CNST: variants seen among roughly 807,000 people sequenced by gnomAD.
CNST encodes the protein consortin, connexin sorting protein, also known as consortin.
Under a neutral mutation model 72.4 loss-of-function variants are expected in CNST, and 39 were observed. The ratio of observed to expected loss-of-function variants is 0.54; its 90% CI spans 0.42 to 0.70. CNST has a LOEUF of 0.70. Among genes scored for constraint, CNST ranks in the 30% least tolerant of loss-of-function variants. CNST has a pLI of 0.00. For missense variants in CNST, 871 were observed against 868.5 expected (o/e 1.00, Z -0.04); for synonymous variants, 332 against 320.1 (o/e 1.04, Z -0.40).
rs964646823 is a variant in CNST at position 246,566,527 on chromosome 1, G to T, written c.-188G>T. 4 of 432,262 alleles carry T rather than the reference G, an allele frequency of 9.3e-6. No homozygotes were observed. The highest frequency in any genetic ancestry group is 1.6e-5 in the Non-Finnish European group (4 of 242,846). The allele number at this position is 432,262 out of a possible 1,614,324, so 26.8% of individuals were successfully genotyped here. A position where few individuals can be genotyped will look rare whatever the true frequency, so the allele number is the denominator to read the frequency against. Reference sequence around the variant, plus strand: ...GCAGAGGGAGGCGGGGCGGAAAGGCGAGAGGTGTCTCCTCCACCGGAGCCA... The same window carrying T: ...GCAGAGGGAGGCGGGGCGGAAAGGCTAGAGGTGTCTCCTCCACCGGAGCCA... On this transcript the variant is annotated 5_prime_UTR_variant, in exon 1 of 11. Transcript: ENST00000366513.
chr1:246,580,902 G>A (rs376793284), intron 1 of CNST, among the ~76,000 whole-genome samples: 14 of 151,764 alleles, frequency 9.2e-5, no homozygotes, highest in African/African-American at 2.9e-4. Flanking sequence ...CACCACACCC[G>A]GCTAATTTTT....
Position 246,641,933 on chromosome 1 carries a change from CT to C in CNST, c.841-3del. On this transcript the variant is annotated splice_polypyrimidine_tract_variant and splice_region_variant and intron_variant, in intron 7 of 10. Coordinates refer to ENST00000366513, the MANE Select transcript of CNST (RefSeq NM_152609.3). ...AAAAGTTGGGTTTTCTTGTTTTAAA[CT>C]TTTTAGATAGCAGCTGTGGAGAAGT... is the stretch of plus-strand genomic sequence containing the variant. The C allele has an allele frequency of 2.5e-6, 4 of 1,599,324 alleles. No homozygotes were observed. The highest frequency in any genetic ancestry group is 2.2e-5 in the East Asian group (1 of 44,696).
intron 3 of CNST, among the ~76,000 whole-genome samples, chr1:246,626,451 C>CTTTTTTTTTTTT (rs74163468): frequency 2.5e-5 from 2 of 79,920 alleles, no homozygotes; most frequent in Non-Finnish European, 4.5e-5. Context: ...TAGGTTTGTC[C>CTTTTTTTTTTTT]TTTTTTTTTT....
chr1:246,573,124 A>G (rs1660169717), intron 1 of CNST, among the ~76,000 whole-genome samples: 2 of 152,214 alleles, frequency 1.3e-5, no homozygotes, highest in South Asian at 4.1e-4. Flanking sequence ...AAATTCAGCC[A>G]TCAGGCTTTA....
chr1:246,581,774 G>T (rs534167752), intron 1 of CNST, among the ~76,000 whole-genome samples: 81 of 152,284 alleles, frequency 5.3e-4, no homozygotes, highest in African/African-American at 1.9e-3. Context: ...CTTAGGAGAT[G>T]CCCTTTACCA....
chr1:246,566,872 C>G lies in CNST; in HGVS notation c.-52+209C>G, dbSNP rs145240290. ...TCCTTTCTCAGCTACTGTGGGTCTC[C>G]TATTGCTGCGCGTCGCGCCAATTTC... On this transcript the variant is annotated intron_variant, in intron 1 of 10. Coordinates refer to ENST00000366513, the MANE Select transcript of CNST (RefSeq NM_152609.3). The G allele has an allele frequency of 7.1e-4, 276 of 387,696 alleles. 2 individuals are homozygous for G. Among genetic ancestry groups the G allele is most frequent in the African/African-American group, 5.2e-3 (252 of 48,490 alleles). 24.0% of individuals were successfully genotyped at this position (387,696 alleles called of 1,614,324 possible). A position where few individuals can be genotyped will look rare whatever the true frequency, so the allele number is the denominator to read the frequency against.
Position 246,647,183 on chromosome 1 carries a change from C to T in CNST, c.982C>T (p.His328Tyr), listed in dbSNP as rs1666139131. Residue 328 changes from histidine to tyrosine, a missense_variant, in exon 9 of 11, where the codon CAT becomes TAT. By Grantham distance (83) the His-to-Tyr change is moderately conservative (BLOSUM62 2). Transcript: ENST00000366513. ...CACAGAGTCAAGTAAAGAAAGCCAA[C>T]ATACAGTGGAGCCCCTGGGGAGCAG... ...LGTESSKESQ[H>Y]TVEPLGSSPC... The T allele has an allele frequency of 1.2e-6, 2 of 1,613,998 alleles. No individual in the cohort carries two copies. The highest frequency in any genetic ancestry group is 8.5e-7 in the Non-Finnish European group (1 of 1,179,962).
chr1:246,607,317 A>G (rs560663065), intron 2 of CNST: 5 of 152,074 alleles, frequency 3.3e-5, no homozygotes, highest in Admixed American at 1.3e-4. Context: ...TCCCCCGCAT[A>G]CCCAGCAATT....
chr1:246,651,254 GC>G (rs148842998), intron 9 of CNST, among the ~76,000 whole-genome samples: 2,730 of 152,172 alleles, frequency 0.018, 89 homozygotes, highest in African/African-American at 0.063. Flanking sequence ...CAATGAGTCT[GC>G]CCCCTCCACC....
intron 9 of CNST, among the ~76,000 whole-genome samples, chr1:246,650,300 C>T (rs1385120949): frequency 2.0e-5 from 3 of 152,124 alleles, no homozygotes; most frequent in Non-Finnish European, 4.4e-5. Context: ...GGTCTCCTTT[C>T]CTAAGATTAT....
intron 9 of CNST, among the ~76,000 whole-genome samples, chr1:246,652,833 T>C (rs997377837): frequency 4.0e-5 from 6 of 149,958 alleles, no homozygotes; most frequent in Non-Finnish European, 8.9e-5. Context: ...TGAAACCCCG[T>C]CTCTACTAAA....
intron 6 of CNST, among the ~76,000 whole-genome samples, chr1:246,640,339 G>A (rs1254702902): frequency 6.6e-6 from 1 of 152,168 alleles, no homozygotes; most frequent in Non-Finnish European, 1.5e-5. Context: ...TTTAGGAGTA[G>A]TCTGATGCTA....
chr1:246,591,604 A>G lies in CNST; in HGVS notation c.42A>G (p.Glu14=). 6.2e-7 allele frequency: 1 copy of G among 1,614,174 alleles called. No individual in the cohort carries two copies. The highest frequency in any genetic ancestry group is 8.5e-7 in the Non-Finnish European group (1 of 1,180,004). Residue 14 remains glutamate (E), a synonymous_variant, in exon 2 of 11, where the codon GAA becomes GAG. Coordinates refer to ENST00000366513, the MANE Select transcript of CNST (RefSeq NM_152609.3). Reference sequence around the variant, plus strand: ...CTCCTACATATTATCTGCAAATAGAACCACAAGATGGATGTCATCCTGGTG... The same window carrying G: ...CTCCTACATATTATCTGCAAATAGAGCCACAAGATGGATGTCATCCTGGTG... ...SDTPTYYLQI[E]PQDGCHPGDS...
intron 3 of CNST, among the ~76,000 whole-genome samples, chr1:246,627,790 A>T (rs994435637): frequency 6.6e-6 from 1 of 151,840 alleles, no homozygotes; most frequent in Non-Finnish European, 1.5e-5. Context: ...GTGACAGTGG[A>T]AATGGAGAGG....
rs752409478 is a variant in CNST, at chr1:246,591,816, A to G, written c.254A>G (p.Glu85Gly). ...TTGAGCTGCGAGGTGGCTGCAGGTGAGAACTTGCAAAACACCCTTTGTGAA... is the reference window on the plus strand; with the variant it reads ...TTGAGCTGCGAGGTGGCTGCAGGTGGGAACTTGCAAAACACCCTTTGTGAA... ...CTLSCEVAAG[E>G]NLQNTLCEAS... Residue 85 changes from glutamate (E) to glycine (G), a missense_variant, in exon 2 of 11, where the codon GAG (glutamate) becomes GGG (glycine). Coordinates refer to ENST00000366513, the MANE Select transcript of CNST (RefSeq NM_152609.3). 2.5e-6 allele frequency: 4 copies of G among 1,614,096 alleles called. No individual in the cohort carries two copies. In the South Asian group the frequency reaches 4.4e-5, roughly 18 times the overall value.
chr1:246,589,957 G>A (rs1213292026), intron 1 of CNST, among the ~76,000 whole-genome samples: 1 of 152,038 alleles, frequency 6.6e-6, no homozygotes, highest in Non-Finnish European at 1.5e-5. Context: ...CTTTTTGATG[G>A]GGTTGTTTGT....
rs754890547 is a variant in CNST at position 246,591,582 on chromosome 1, C to T, written c.20C>T (p.Pro7Leu). 8.7e-6 allele frequency: 14 copies of T among 1,613,810 alleles called. No homozygotes were observed. In the African/African-American group the frequency reaches 1.2e-4, roughly 14 times the overall value. Reference sequence around the variant, plus strand: ...GCTCTAATGGATGACAGCGATACTCCTACATATTATCTGCAAATAGAACCA... The same window carrying T: ...GCTCTAATGGATGACAGCGATACTCTTACATATTATCTGCAAATAGAACCA... MDDSDTPTYYLQIEPQD... is the reference protein window; with the variant it reads MDDSDTLTYYLQIEPQD... Residue 7 changes from proline (P) to leucine (L), a missense_variant, in exon 2 of 11, where the codon CCT (proline) becomes CTT (leucine). Pro to Leu is a moderately conservative substitution (Grantham distance 98). Transcript: ENST00000366513.
intron 1 of CNST, among the ~76,000 whole-genome samples, chr1:246,568,814 C>T (rs545183968): frequency 2.6e-5 from 4 of 152,318 alleles, no homozygotes; most frequent in South Asian, 2.1e-4. Context: ...GGTGATCCTC[C>T]GACCTCCACC....
intron 10 of CNST, 102 bp from the exon 11 acceptor site, chr1:246,665,598 C>A: frequency 1.0e-6 from 1 of 953,140 alleles, no homozygotes; most frequent in South Asian, 1.5e-5. Flanking sequence ...CGTAGAGGAC[C>A]AACAGTAGAA....
Sources: gnomAD v4.1 joint callset for allele counts (sites outside exome capture counted in the v4.1 genomes callset) on GRCh38, gnomAD v4.1.1 for gene constraint, MANE v1.5 for transcripts, NCBI Gene and HGNC (gene_info 2026-07-23, HGNC 2026-07-21) for gene names.